Variants in PROZ observed in about 807,000 individuals in gnomAD.
PROZ encodes vitamin K-dependent protein Z.
A neutral mutation model predicts 34.9 loss-of-function variants in PROZ; 46 were observed. The ratio of observed to expected loss-of-function variants is 1.32; its 90% CI spans 1.04 to 1.69. The LOEUF is 1.69. PROZ is among the 40% of genes most tolerant of loss of function. PROZ has a pLI of 0.00. For synonymous variants in PROZ, 195 were observed against 208.5 expected (o/e 0.94, Z 0.56); for missense variants, 530 against 520.4 (o/e 1.02, Z -0.18).
rs2037130144 is a variant in PROZ, at chr13:113,172,209, C to T, written c.*104C>T. On this transcript the variant is annotated 3_prime_UTR_variant, in exon 8 of 8. Coordinates refer to ENST00000375547, the MANE Select transcript of PROZ (RefSeq NM_003891.3). ...GAAACTTCATCACACACTGAGAGGC[C>T]GTCACAGCCCCAGACCACCCGCTTG... 3.4e-6 allele frequency: 5 copies of T among 1,483,486 alleles called. No individual in the cohort carries two copies. The highest frequency in any genetic ancestry group is 2.4e-5 in the East Asian group (1 of 41,348). The allele number at this position is 1,483,486 out of a possible 1,614,324, so 91.9% of individuals were successfully genotyped here. A position where few individuals can be genotyped will look rare whatever the true frequency, so the allele number is the denominator to read the frequency against.
chr13:113,171,956 A>AT lies in PROZ; in HGVS notation c.1055dup (p.Met352IlefsTer45). ...AAGCAGCGTGGCGGCCATGCACTGG[A>AT]TGGATGGAAGTGTGGTCACCAGAGA... On this transcript the variant is annotated frameshift_variant, in exon 8 of 8. Transcript: ENST00000375547. LOFTEE classifies it low-confidence loss of function (END_TRUNC). The surrounding 1 kb of genome is among the most constrained non-coding windows in gnomAD (Gnocchi z 5.1). The AT allele has an allele frequency of 6.2e-7, 1 of 1,613,510 alleles. No homozygotes were observed. Among genetic ancestry groups the AT allele is most frequent in the Non-Finnish European group, 8.5e-7 (1 of 1,180,008 alleles).
In PROZ at chr13:113,172,223, A is replaced by G. The variant is rs1456859087; in HGVS notation, c.*118A>G. ...CACTGAGAGGCCGTCACAGCCCCAG[A>G]CCACCCGCTTGGCCCACGCAGCAGC... is the stretch of plus-strand genomic sequence containing the variant. On this transcript the variant is annotated 3_prime_UTR_variant, in exon 8 of 8. Transcript: ENST00000375547. 6 of 1,420,600 alleles carry G rather than the reference A, an allele frequency of 4.2e-6. No individual in the cohort carries two copies. The highest frequency in any genetic ancestry group is 5.8e-6 in the Non-Finnish European group (6 of 1,040,360). 88.0% of individuals were successfully genotyped at this position (1,420,600 alleles called of 1,614,324 possible).
intron 3 of PROZ, among the ~76,000 whole-genome samples, 160 bp from the exon 4 acceptor site, chr13:113,162,849 C>A (rs1212516261): frequency 7.0e-6 from 1 of 142,138 alleles, no homozygotes; most frequent in African/African-American, 2.7e-5. Context: ...TGTCACCCCA[C>A]CCTCCTCCTG....
intron 4 of PROZ, among the ~76,000 whole-genome samples, chr13:113,163,868 T>G (rs2036827001): frequency 6.6e-6 from 1 of 151,436 alleles, no homozygotes; most frequent in Non-Finnish European, 1.5e-5. Context: ...GAAGCAGCAA[T>G]TTAAAGGGAA....
intron 5 of PROZ, 129 bp from the exon 6 acceptor site, chr13:113,164,924 G>A: frequency 9.9e-7 from 1 of 1,007,544 alleles, no homozygotes; most frequent in Admixed American, 2.0e-5. Flanking sequence ...ACATTCATCA[G>A]CATTAAGGAT....
Position 113,172,093 on chromosome 13 carries a change from G to C in PROZ, c.1191G>C (p.Gln397His). Residue 397 changes from glutamine to histidine, a missense_variant, in exon 8 of 8, where the codon CAG becomes CAC. Physicochemically the swap from Gln to His is conservative, Grantham distance 24. Transcript: ENST00000375547. The part of the protein sequence containing the change: ...KVSRYSLWFK[Q>H]IMN ...CCAGGTACTCACTCTGGTTTAAACA[G>C]ATCATGAACTAACTGAAACTCAGCT... 6.2e-7 allele frequency: 1 copy of C among 1,612,774 alleles called. No homozygotes were observed. Among genetic ancestry groups the C allele is most frequent in the Non-Finnish European group, 8.5e-7 (1 of 1,179,974 alleles).
Position 113,159,011 on chromosome 13 carries a change from A to G in PROZ, c.70+281A>G, listed in dbSNP as rs2036711355. ...AAAGGCCGGGGAGAGGGGAGGGGGA[A>G]AGGGGGAGGAGTGGGGGGAGGCCTG... On this transcript the variant is annotated intron_variant, in intron 1 of 7. Transcript: ENST00000375547. This position sits in a 1 kb window ranked among gnomAD's most constrained non-coding sequence, Gnocchi z 4.6. 1.2e-5 allele frequency among the ~76,000 whole-genome samples: 1 copy of G among 84,350 alleles called. No homozygotes were observed. The highest frequency in any genetic ancestry group is 4.7e-5 in the African/African-American group (1 of 21,134). 55.3% of individuals were successfully genotyped at this position (84,350 alleles called of 152,430 possible).
chr13:113,160,141 A>G lies in PROZ; in HGVS notation c.198A>G (p.Glu66=). 6.2e-7 allele frequency: 1 copy of G among 1,614,218 alleles called. No individual in the cohort carries two copies. Among genetic ancestry groups the G allele is most frequent in the Non-Finnish European group, 8.5e-7 (1 of 1,180,046 alleles). ...KECYEEICVY[E]EAREVFENEV... is the part of the protein sequence containing the mutation. The stretch of plus-strand genomic sequence containing the variant: ...GTTATGAAGAAATCTGTGTCTATGA[A>G]GAAGCAAGAGAAGTGTTTGAAAATG... The change falls in exon 2 of 8, where the codon GAA becomes GAG. Residue 66 remains glutamate, a synonymous_variant. Transcript: ENST00000375547.
At position 113,159,374 on chromosome 13, in the gene PROZ, G is replaced by A. The variant is rs141710974; in HGVS notation, c.71-640G>A. 6.4e-3 allele frequency: 7,693 copies of A among 1,194,356 alleles called. 46 individuals carry two copies. The highest frequency in any genetic ancestry group is 8.2e-3 in the Non-Finnish European group (6,857 of 837,142). The allele number at this position is 1,194,356 out of a possible 1,614,324, so 74.0% of individuals were successfully genotyped here. On this transcript the variant is annotated intron_variant, in intron 1 of 7. Coordinates refer to ENST00000375547, the MANE Select transcript of PROZ (RefSeq NM_003891.3). This position sits in a 1 kb window ranked among gnomAD's most constrained non-coding sequence, Gnocchi z 4.6. ...CGCCCTGCCCTGCCCAGCACTTACC[G>A]TAGCCGGACTTAGCTGAGCCCCCCC...
At chr13:113,170,300 G>T in intron 6 of PROZ, 113 bp from the exon 7 acceptor site, 2 of 664,612 alleles carry the variant, frequency 3.0e-6, no homozygotes, top group Middle Eastern at 3.9e-4. Context: ...TGCCTTTGGC[G>T]GGGGGTGGGG....
At chr13:113,169,261 G>A (rs959822082) in intron 6 of PROZ, among the ~76,000 whole-genome samples, 8 of 152,190 alleles carry the variant, frequency 5.3e-5, no homozygotes, top group African/African-American at 1.4e-4. Context: ...GCCAGTGGAT[G>A]TTTAACCTCA....
chr13:113,160,191 C>A lies in PROZ; in HGVS notation c.234+14C>A, dbSNP rs928720147. The A allele has an allele frequency of 1.9e-6, 3 of 1,613,386 alleles. No homozygotes were observed. Among genetic ancestry groups the A allele is most frequent in the Non-Finnish European group, 2.5e-6 (3 of 1,179,438 alleles). On this transcript the variant is annotated intron_variant, in intron 2 of 7. Transcript: ENST00000375547. The stretch of plus-strand genomic sequence containing the variant: ...GAAGTAGTCACTGTATGTACCCCCA[C>A]CACAAACCACAGGCCTCCTCATTAT...
chr13:113,169,564 A>G (rs1037071949), intron 6 of PROZ, among the ~76,000 whole-genome samples: 12 of 152,246 alleles, frequency 7.9e-5, no homozygotes, highest in Admixed American at 2.6e-4. Context: ...GGACACAGTT[A>G]GGTTGGAAAT....
chr13:113,172,044 A>C lies in PROZ; in HGVS notation c.1142A>C (p.His381Pro), dbSNP rs750020163. Residue 381 changes from histidine (H) to proline (P), a missense_variant, in exon 8 of 8, where the codon CAC (histidine) becomes CCC (proline). By Grantham distance (77) the His-to-Pro change is moderately conservative. Coordinates refer to ENST00000375547, the MANE Select transcript of PROZ (RefSeq NM_003891.3). ...LGSQPVGGQA[H>P]MVLVTKVSRY... is the part of the protein sequence containing the mutation. ...TCGCAGCCAGTAGGAGGGCAGGCTC[A>C]CATGGTCCTTGTCACCAAGGTCTCC... is the stretch of plus-strand genomic sequence containing the variant. 6.2e-7 allele frequency: 1 copy of C among 1,613,014 alleles called. No individual in the cohort carries two copies. Among genetic ancestry groups the C allele is most frequent in the African/African-American group, 1.3e-5 (1 of 74,938 alleles).
At position 113,171,990 on chromosome 13, in the gene PROZ, G is replaced by T. The variant is rs2037124855; in HGVS notation, c.1088G>T (p.Gly363Val). ...AGTGTGGTCACCAGAGAACACAGAGGCTCCTGGTTTCTCACGGGGGTCCTG... is the reference window on the plus strand; with the variant it reads ...AGTGTGGTCACCAGAGAACACAGAGTCTCCTGGTTTCTCACGGGGGTCCTG... The part of the protein sequence containing the change: ...DGSVVTREHR[G>V]SWFLTGVLGS... The change falls in exon 8 of 8, where the codon GGC becomes GTC. Residue 363 changes from glycine to valine, a missense_variant. Gly to Val is a moderately radical substitution (Grantham distance 109, BLOSUM62 -3). Coordinates refer to ENST00000375547, the MANE Select transcript of PROZ (RefSeq NM_003891.3). The surrounding 1 kb of genome is among the most constrained non-coding windows in gnomAD (Gnocchi z 5.1). The T allele has an allele frequency of 3.1e-6, 5 of 1,613,260 alleles. No individual in the cohort carries two copies. In the African/African-American group the frequency reaches 6.7e-5, roughly 22 times the overall value.
In PROZ at chr13:113,158,828, G is replaced by A; in HGVS notation, c.70+98G>A. 1 of 1,222,738 alleles carries A rather than the reference G, an allele frequency of 8.2e-7. No individual in the cohort carries two copies. Among genetic ancestry groups the A allele is most frequent in the Non-Finnish European group, 1.2e-6 (1 of 855,996 alleles). The allele number at this position is 1,222,738 out of a possible 1,614,324, so 75.7% of individuals were successfully genotyped here. ...GATGAGGCTTTTTCCAGGAGCCAGA[G>A]GAGCCCTGAGTGCCCAGACTAGTCT... On this transcript the variant is annotated intron_variant, in intron 1 of 7. Transcript: ENST00000375547. This position sits in a 1 kb window ranked among gnomAD's most constrained non-coding sequence, Gnocchi z 4.3.
In PROZ at chr13:113,158,842, C is replaced by T. The variant is rs980389077; in HGVS notation, c.70+112C>T. 19 of 1,049,822 alleles carry T rather than the reference C, an allele frequency of 1.8e-5. 1 individual carries two copies. The highest frequency in any genetic ancestry group is 3.2e-5 in the African/African-American group (2 of 63,448). 65.0% of individuals were successfully genotyped at this position (1,049,822 alleles called of 1,614,324 possible). A position where few individuals can be genotyped will look rare whatever the true frequency, so the allele number is the denominator to read the frequency against. On this transcript the variant is annotated intron_variant, in intron 1 of 7. Coordinates refer to ENST00000375547, the MANE Select transcript of PROZ (RefSeq NM_003891.3). This position sits in a 1 kb window ranked among gnomAD's most constrained non-coding sequence, Gnocchi z 4.3. Reference sequence around the variant, plus strand: ...CAGGAGCCAGAGGAGCCCTGAGTGCCCAGACTAGTCTTAATTCCCCTGAAA... The same window carrying T: ...CAGGAGCCAGAGGAGCCCTGAGTGCTCAGACTAGTCTTAATTCCCCTGAAA...
Position 113,165,751 on chromosome 13 carries a change from G to A in PROZ, c.573+631G>A, listed in dbSNP as rs527844317. Among the ~76,000 whole-genome samples the A allele has an allele frequency of 9.2e-5, 14 of 152,178 alleles. No homozygotes were observed. The East Asian group carries it at 1.5e-3, about 17-fold the overall frequency. On this transcript the variant is annotated intron_variant, in intron 6 of 7. Coordinates refer to ENST00000375547, the MANE Select transcript of PROZ (RefSeq NM_003891.3). The stretch of plus-strand genomic sequence containing the variant: ...TCACCATGTTGGACAGGATGGTCTC[G>A]AATGCCTGACCTCAAGTGACCCACC...
rs149703654 is a variant in PROZ at position 113,170,538 on chromosome 13, T to C, written c.691+8T>C. Reference sequence around the variant, plus strand: ...ATATTACTGTAAAAACATGTAAGTATTTTATCATGAGTTTTTATAAAACCA... The same window carrying C: ...ATATTACTGTAAAAACATGTAAGTACTTTATCATGAGTTTTTATAAAACCA... On this transcript the variant is annotated splice_region_variant and intron_variant, in intron 7 of 7. Transcript: ENST00000375547. 75 of 1,483,892 alleles carry C rather than the reference T, an allele frequency of 5.1e-5. No homozygotes were observed. The African/African-American group carries it at 9.1e-4, about 18-fold the overall frequency. The allele number at this position is 1,483,892 out of a possible 1,614,324, so 91.9% of individuals were successfully genotyped here.
Sources: gnomAD v4.1 joint callset for allele counts (sites outside exome capture counted in the v4.1 genomes callset) on GRCh38, gnomAD v4.1.1 for gene constraint, Gnocchi (gnomAD v3.1) non-coding constraint, MANE v1.5 for transcripts, NCBI Gene and HGNC (gene_info 2026-07-23, HGNC 2026-07-21) for gene names.